The following GNPTAB variants were observed in gnomAD, a reference collection of about 807,000 sequenced individuals.
The protein encoded by GNPTAB is N-acetylglucosamine-1-phosphotransferase subunits alpha/beta.
GNPTAB carries 92 observed loss-of-function variants against 136.6 expected under a neutral mutation model. The observed-to-expected ratio is 0.67, with a 90% CI of 0.57 to 0.80. The LOEUF (loss-of-function observed/expected upper bound fraction) is 0.80. Ranked by LOEUF, GNPTAB falls within the 30% of genes least tolerant of loss-of-function variation. GNPTAB has a pLI of 0.00. For missense variants in GNPTAB, 1,343 were observed against 1,501.8 expected (o/e 0.89, Z 1.75); for synonymous variants, 512 against 535.1 (o/e 0.96, Z 0.60).
In GNPTAB at chr12:101,830,716, C is replaced by CT. The variant is rs763614126; in HGVS notation, c.-42_-41insA. On this transcript the variant is annotated 5_prime_UTR_variant, in exon 1 of 21. Coordinates refer to ENST00000299314, the MANE Select transcript of GNPTAB (RefSeq NM_024312.5). The stretch of plus-strand genomic sequence containing the variant: ...ACGCCACGCCCCGAGGAGCCTGAGC[C>CT]GCCGCCGCCGCCGCCGCCGCCTCAG... 45 of 209,840 alleles carry CT rather than the reference C, an allele frequency of 2.1e-4. 1 individual carries two copies. The South Asian group carries it at 3.8e-3, about 18-fold the overall frequency. The allele number at this position is 209,840 out of a possible 1,614,324, so 13.0% of individuals were successfully genotyped here.
chr12:101,801,285 T>C (rs1869608546), intron 1 of GNPTAB, among the ~76,000 whole-genome samples: 1 of 142,204 alleles, frequency 7.0e-6, no homozygotes, highest in Non-Finnish European at 1.5e-5. Flanking sequence ...CTCATACCTT[T>C]AATCCTAGCA....
At chr12:101,811,638 CTTTT>C (rs34690912) in intron 1 of GNPTAB, among the ~76,000 whole-genome samples, 5 of 134,760 alleles carry the variant, frequency 3.7e-5, no homozygotes, top group Admixed American at 2.2e-4. Context: ...GTGCTACACA[CTTTT>C]TTTTTTTTTT....
chr12:101,788,055 A>T (rs1002651583), intron 4 of GNPTAB, among the ~76,000 whole-genome samples: 18 of 152,208 alleles, frequency 1.2e-4, no homozygotes, highest in African/African-American at 4.1e-4. Flanking sequence ...TCTTGTTTTA[A>T]GGACCTATCA....
chr12:101,794,337 A>C (rs1869159612), intron 2 of GNPTAB, among the ~76,000 whole-genome samples: 1 of 152,038 alleles, frequency 6.6e-6, no homozygotes, highest in Non-Finnish European at 1.5e-5. Flanking sequence ...TTTTTCATTC[A>C]GAGCAAACAA....
At position 101,822,912 on chromosome 12, in the gene GNPTAB, A is replaced by G. The variant is rs534688337; in HGVS notation, c.117+7647T>C. ...GACAATTACAGCCAGCTGCCTACCCAGCATCACTTATCTATTCTTCTTCCA... is the reference window on the plus strand; with the variant it reads ...GACAATTACAGCCAGCTGCCTACCCGGCATCACTTATCTATTCTTCTTCCA... On this transcript the variant is annotated intron_variant, in intron 1 of 20. Coordinates refer to ENST00000299314, the MANE Select transcript of GNPTAB (RefSeq NM_024312.5). Among the ~76,000 whole-genome samples, 8 of 152,336 alleles carry G rather than the reference A, an allele frequency of 5.3e-5. No homozygotes were observed. In the East Asian group the frequency reaches 1.2e-3, roughly 22 times the overall value.
chr12:101,751,175 ACT>A (rs1455046725), intron 19 of GNPTAB, among the ~76,000 whole-genome samples: 1 of 152,046 alleles, frequency 6.6e-6, no homozygotes, highest in Non-Finnish European at 1.5e-5. Flanking sequence ...TCGACACAGG[ACT>A]CTCTTACACC....
At chr12:101,801,020 G>A (rs1869588239) in intron 1 of GNPTAB, among the ~76,000 whole-genome samples, 1 of 151,804 alleles carries the variant, frequency 6.6e-6, no homozygotes, top group South Asian at 2.1e-4. Flanking sequence ...AATCACTTGA[G>A]GCCAGGAGTT....
intron 10 of GNPTAB, among the ~76,000 whole-genome samples, chr12:101,769,723 C>T (rs931048833): frequency 1.3e-4 from 19 of 151,864 alleles, no homozygotes; most frequent in African/African-American, 4.6e-4. Flanking sequence ...GCCAGTGACC[C>T]CCTACTCCCC....
intron 5 of GNPTAB, among the ~76,000 whole-genome samples, chr12:101,782,304 T>C (rs576683788): frequency 6.6e-6 from 1 of 150,390 alleles, no homozygotes; most frequent in African/African-American, 2.4e-5. Flanking sequence ...AATATATAAG[T>C]TTTTTTTTTA....
intron 18 of GNPTAB, 64 bp from the exon 19 acceptor site, chr12:101,753,603 G>T (rs1952855484): frequency 3.1e-6 from 4 of 1,299,050 alleles, no homozygotes; most frequent in Non-Finnish European, 4.5e-6. Context: ...ACAAAACAAG[G>T]ATGTGGATTC....
At chr12:101,821,113 A>C (rs985796451) in intron 1 of GNPTAB, among the ~76,000 whole-genome samples, 2 of 151,902 alleles carry the variant, frequency 1.3e-5, no homozygotes, top group African/African-American at 4.8e-5. Flanking sequence ...CACCAGACCA[A>C]ACTGATTCTC....
At chr12:101,761,954 A>G (rs1354891093) in intron 13 of GNPTAB, among the ~76,000 whole-genome samples, 191 bp from the exon 14 acceptor site, 1 of 152,238 alleles carries the variant, frequency 6.6e-6, no homozygotes, top group African/African-American at 2.4e-5. Flanking sequence ...TTTCAGTGCA[A>G]GTATCACCAA....
At position 101,761,781 on chromosome 12, in the gene GNPTAB, C is replaced by T. The variant is rs755410062; in HGVS notation, c.2716-18G>A. The T allele has an allele frequency of 3.2e-6, 5 of 1,555,090 alleles. No homozygotes were observed. ...TCTTCTTCCTGAAAAGAGAATTCTA[C>T]ATGTAACTCAGCATTATGTTTAGTG... On this transcript the variant is annotated intron_variant, in intron 13 of 20. Coordinates refer to ENST00000299314, the MANE Select transcript of GNPTAB (RefSeq NM_024312.5).
intron 10 of GNPTAB, 27 bp from the exon 11 acceptor site, chr12:101,768,187 A>C: frequency 6.2e-7 from 1 of 1,612,928 alleles, no homozygotes; most frequent in Non-Finnish European, 8.5e-7. Context: ...GAGAAAATAA[A>C]ATGACTTCTG....
At chr12:101,778,766 G>A (rs1953295155) in intron 7 of GNPTAB, 1 of 152,148 alleles carries the variant, frequency 6.6e-6, no homozygotes, top group African/African-American at 2.4e-5. Flanking sequence ...AATTAGCCAG[G>A]CATGGTGGCG....
intron 3 of GNPTAB, among the ~76,000 whole-genome samples, chr12:101,789,110 TCTTA>T (rs1324959776): frequency 8.5e-5 from 13 of 152,188 alleles, no homozygotes; most frequent in Non-Finnish European, 1.9e-4. Flanking sequence ...GAAGAATCTG[TCTTA>T]CTGTGGAGAT....
chr12:101,755,833 G>A (rs966996215), intron 18 of GNPTAB, among the ~76,000 whole-genome samples: 1 of 152,204 alleles, frequency 6.6e-6, no homozygotes, highest in Non-Finnish European at 1.5e-5. Context: ...AGCCTGGCTT[G>A]CCATGTGTCT....
chr12:101,787,386 CCA>C (rs1200430706), intron 4 of GNPTAB, among the ~76,000 whole-genome samples: 10 of 151,830 alleles, frequency 6.6e-5, no homozygotes, highest in African/African-American at 2.2e-4. Flanking sequence ...ACAAAACTGC[CCA>C]CAGATTATAA....
intron 9 of GNPTAB, 53 bp downstream of exon 9, chr12:101,770,353 T>A: frequency 6.9e-7 from 1 of 1,448,050 alleles, no homozygotes; most frequent in Non-Finnish European, 9.7e-7. Flanking sequence ...TGTACCACAC[T>A]AAAAGAGCAG....
Sources: gnomAD v4.1 joint callset for allele counts (sites outside exome capture counted in the v4.1 genomes callset) on GRCh38, gnomAD v4.1.1 for gene constraint, MANE v1.5 for transcripts, NCBI Gene and HGNC (gene_info 2026-07-23, HGNC 2026-07-21) for gene names.